Variants in TMED3 observed in about 807,000 individuals in gnomAD.
TMED3 encodes transmembrane p24 trafficking protein 3.
Under a neutral mutation model 15.0 loss-of-function variants are expected in TMED3, and 9 were observed. The ratio of observed to expected loss-of-function variants is 0.60; its 90% CI spans 0.36 to 1.04. TMED3 has a LOEUF of 1.04. Among genes scored for constraint, TMED3 ranks in the 50% least tolerant of loss-of-function variants. The pLI is 0.01. For missense variants in TMED3, 267 were observed against 278.9 expected (o/e 0.96, Z 0.30); for synonymous variants, 117 against 121.4 (o/e 0.96, Z 0.24).
chr15:79,396,091 A>G (rs1893760581), intron 2 of TMED3, among the ~76,000 whole-genome samples: 1 of 152,110 alleles, frequency 6.6e-6, no homozygotes, highest in African/African-American at 2.4e-5. Context: ...TTATTGCTTC[A>G]TCTCATTTTT....
chr15:79,336,590 G>C (rs931339868), intron 2 of TMED3, among the ~76,000 whole-genome samples: 1 of 152,064 alleles, frequency 6.6e-6, no homozygotes, highest in Non-Finnish European at 1.5e-5. Context: ...CCCAGGAGAT[G>C]GAGGTTGCAG....
intron 2 of TMED3, among the ~76,000 whole-genome samples, chr15:79,364,764 AG>A (rs1038367324): frequency 6.6e-6 from 1 of 151,044 alleles, no homozygotes; most frequent in African/African-American, 2.4e-5. Context: ...GCCAAACTCT[AG>A]GGGCAGATCA....
intron 2 of TMED3, among the ~76,000 whole-genome samples, chr15:79,337,042 A>G (rs902865366): frequency 6.6e-6 from 1 of 152,242 alleles, no homozygotes; most frequent in Non-Finnish European, 1.5e-5. Flanking sequence ...TGAACTGACC[A>G]GAATCTATTG....
chr15:79,322,072 G>T lies in TMED3; in HGVS notation c.512G>T (p.Arg171Leu), dbSNP rs375384994. Residue 171 changes from arginine (R) to leucine (L), a missense_variant, in exon 3 of 3, where the codon CGA becomes CTA. By Grantham distance (102) the Arg-to-Leu change is moderately radical. Coordinates refer to ENST00000299705, the MANE Select transcript of TMED3 (RefSeq NM_007364.4). The stretch of plus-strand genomic sequence containing the variant: ...CTGCGGGAGGCCCAGGACCGGGCCC[G>T]AGCAGAAGACCTTAATAGCCGAGTC... Reference protein sequence around the residue: ...YRLREAQDRARAEDLNSRVSY... With the variant: ...YRLREAQDRALAEDLNSRVSY... 1.2e-6 allele frequency: 2 copies of T among 1,614,092 alleles called. No homozygotes were observed. The highest frequency in any genetic ancestry group is 2.2e-5 in the East Asian group (1 of 44,872).
At chr15:79,321,011 G>T (rs1160197955) in intron 2 of TMED3, among the ~76,000 whole-genome samples, 1 of 152,192 alleles carries the variant, frequency 6.6e-6, no homozygotes, top group Non-Finnish European at 1.5e-5. Flanking sequence ...ACGCCTGGAG[G>T]CCTTTTTCTG....
intron 2 of TMED3, among the ~76,000 whole-genome samples, chr15:79,398,887 A>G (rs1052761070): frequency 1.3e-5 from 2 of 152,220 alleles, no homozygotes; most frequent in African/African-American, 4.8e-5. Flanking sequence ...TACTCAGTCT[A>G]CCAATTTAAA....
rs545674573 is a variant in TMED3, at chr15:79,313,493, C to T, written c.169-264C>T. ...TCTGTAAAATGGAAAGGATTAGGCT[C>T]ATTGAAACCCTGCAGAGCAAACTTG... On this transcript the variant is annotated intron_variant, in intron 1 of 2. Coordinates refer to ENST00000299705, the MANE Select transcript of TMED3 (RefSeq NM_007364.4). Among the ~76,000 whole-genome samples, 6 of 152,312 alleles carry T rather than the reference C, an allele frequency of 3.9e-5. No individual in the cohort carries two copies. In the East Asian group the frequency reaches 9.7e-4, roughly 25 times the overall value.
chr15:79,398,715 G>A (rs191479150), intron 2 of TMED3, among the ~76,000 whole-genome samples: 46 of 132,242 alleles, frequency 3.5e-4, no homozygotes, highest in African/African-American at 1.1e-3. Flanking sequence ...CAATTCAAAT[G>A]CCAGTCTCTT....
intron 2 of TMED3, among the ~76,000 whole-genome samples, chr15:79,408,614 G>T (rs1243726374): frequency 2.0e-5 from 3 of 152,188 alleles, no homozygotes; most frequent in Non-Finnish European, 4.4e-5. Flanking sequence ...GGGAAGAGAG[G>T]TGTGGGGAGA....
chr15:79,311,565 T>G, intron 1 of TMED3, 148 bp downstream of exon 1: 12 of 986,136 alleles, frequency 1.2e-5, no homozygotes, highest in African/African-American at 1.7e-5. Flanking sequence ...ACCAGTTGAC[T>G]TCCCCGTGAG....
chr15:79,356,647 G>C (rs2058920280), intron 2 of TMED3, among the ~76,000 whole-genome samples: 1 of 152,224 alleles, frequency 6.6e-6, no homozygotes, highest in Admixed American at 6.5e-5. Context: ...AAAGGATGGA[G>C]AGTGTCAGGG....
downstream of TMED3, chr15:79,322,854 C>T: frequency 1.0e-6 from 1 of 985,410 alleles, no homozygotes; most frequent in Non-Finnish European, 1.2e-6. Context: ...GAGACTTGTG[C>T]CTTTATTTCT....
chr15:79,311,304 C>A lies in TMED3; in HGVS notation c.55C>A (p.Arg19Ser). 1 of 1,607,272 alleles carries A rather than the reference C, an allele frequency of 6.2e-7. No homozygotes were observed. Among genetic ancestry groups the A allele is most frequent in the Non-Finnish European group, 8.5e-7 (1 of 1,177,732 alleles). Residue 19 changes from arginine to serine, a missense_variant, in exon 1 of 3, where the codon CGC becomes AGC. Physicochemically the swap from Arg to Ser is moderately radical, Grantham distance 110. This residue lies in a region of TMED3 where 59 missense variants were observed against 47.0 expected (regional missense o/e 1.26). Transcript: ENST00000299705. ...CGTGCTGCTTCTGCTGCTGCTCCTG[C>A]GCCGGGCCGAGCAGCCCTGCGGGGC... ...ASVLLLLLLLRRAEQPCGAEL... is the reference protein window; with the variant it reads ...ASVLLLLLLLSRAEQPCGAEL...
At chr15:79,329,520 A>G (rs1197354521) in intron 2 of TMED3, among the ~76,000 whole-genome samples, 1 of 152,206 alleles carries the variant, frequency 6.6e-6, no homozygotes, top group Non-Finnish European at 1.5e-5. Context: ...TAAAAGGTAT[A>G]ACTGCCCTGC....
chr15:79,394,654 A>G (rs1022169560), intron 2 of TMED3, among the ~76,000 whole-genome samples: 2 of 152,236 alleles, frequency 1.3e-5, no homozygotes, highest in Admixed American at 6.5e-5. Context: ...CAAATGGAGA[A>G]GAGGTTCTTG....
chr15:79,387,985 T>A (rs1893647666), intron 2 of TMED3, among the ~76,000 whole-genome samples: 1 of 152,164 alleles, frequency 6.6e-6, no homozygotes, highest in African/African-American at 2.4e-5. Context: ...CTTTTAATGA[T>A]TCACCTACGG....
intron 2 of TMED3, among the ~76,000 whole-genome samples, chr15:79,407,249 G>A (rs185807275): frequency 1.8e-4 from 27 of 152,288 alleles, no homozygotes; most frequent in Non-Finnish European, 3.8e-4. Flanking sequence ...CTCTACCTGA[G>A]TTTAGCAGGA....
At chr15:79,340,751 A>G (rs2058848739) in intron 2 of TMED3, among the ~76,000 whole-genome samples, 2 of 152,216 alleles carry the variant, frequency 1.3e-5, no homozygotes, top group Admixed American at 1.3e-4. Context: ...AAGCCAAACT[A>G]CTGCCCAGAA....
chr15:79,383,685 A>G (rs1893578531), intron 2 of TMED3: 1 of 152,416 alleles, frequency 6.6e-6, no homozygotes, highest in Non-Finnish European at 1.5e-5. Context: ...TCACATAGAT[A>G]TGGCTAGCCA....
Sources: allele counts gnomAD v4.1 joint callset (sites outside exome capture counted in the v4.1 genomes callset), GRCh38; gene constraint gnomAD v4.1.1; regional missense constraint gnomAD v4.1.1; transcripts MANE v1.5; gene names NCBI Gene and HGNC (gene_info 2026-07-23, HGNC 2026-07-21).